The following NECAB1 variants were observed in gnomAD, a reference collection of about 807,000 sequenced individuals.
NECAB1 encodes N-terminal EF-hand calcium-binding protein 1.
A neutral mutation model predicts 57.5 loss-of-function variants in NECAB1; 29 were observed. The observed-to-expected ratio is 0.50, with a 90% CI of 0.38 to 0.69. The LOEUF is 0.69. NECAB1 is among the 30% of genes least tolerant of loss of function. The probability of loss-of-function intolerance (pLI) is 0.00; values close to 1 mark genes in which losing one functional copy is unlikely to be tolerated. For synonymous variants in NECAB1, 142 were observed against 147.7 expected (o/e 0.96, Z 0.28); for missense variants, 372 against 413.8 (o/e 0.90, Z 0.88).
intron 10 of NECAB1, among the ~76,000 whole-genome samples, chr8:90,948,934 C>T (rs1169800941): frequency 6.6e-6 from 1 of 152,176 alleles, no homozygotes; most frequent in Non-Finnish European, 1.5e-5. Context: ...TCGCAGTCAC[C>T]TCAACCTATG....
chr8:90,856,897 C>A (rs1284522810), intron 3 of NECAB1, among the ~76,000 whole-genome samples: 1 of 152,124 alleles, frequency 6.6e-6, no homozygotes, highest in African/African-American at 2.4e-5. Context: ...AACGCGGCAA[C>A]TTTTAGAATG....
intron 3 of NECAB1, among the ~76,000 whole-genome samples, chr8:90,838,664 C>G (rs76068503): frequency 1.3e-5 from 2 of 152,300 alleles, no homozygotes; most frequent in East Asian, 3.9e-4. Flanking sequence ...CTCACATAGA[C>G]GTGGAGAGAA....
At chr8:90,930,658 CTTTA>C (rs948029687) in intron 8 of NECAB1, among the ~76,000 whole-genome samples, 1 of 152,158 alleles carries the variant, frequency 6.6e-6, no homozygotes, top group African/African-American at 2.4e-5. Flanking sequence ...GCCATGGTGC[CTTTA>C]TTTGTTAAAT....
At chr8:90,868,796 T>C (rs935347383) in intron 3 of NECAB1, among the ~76,000 whole-genome samples, 2 of 152,244 alleles carry the variant, frequency 1.3e-5, no homozygotes, top group Non-Finnish European at 2.9e-5. Context: ...AAACCCATTT[T>C]CTGGAGAGGA....
chr8:90,954,446 T>C (rs936636552), intron 12 of NECAB1, among the ~76,000 whole-genome samples: 10 of 151,858 alleles, frequency 6.6e-5, no homozygotes, highest in African/African-American at 2.4e-4. Context: ...ACTTGGTCTG[T>C]GGAGCAGAAT....
At chr8:90,946,450 C>A in intron 10 of NECAB1, among the ~76,000 whole-genome samples, 1 of 152,200 alleles carries the variant, frequency 6.6e-6, no homozygotes, top group African/African-American at 2.4e-5. Context: ...GAAATAAATA[C>A]ACAAAGATGA....
intron 2 of NECAB1, among the ~76,000 whole-genome samples, chr8:90,822,149 ATT>A (rs1812154087): frequency 6.6e-6 from 1 of 151,916 alleles, no homozygotes; most frequent in African/African-American, 2.4e-5. Context: ...AGATTTGGCT[ATT>A]CTGTGAGCCA....
chr8:90,879,758 A>G (rs2129873519), intron 4 of NECAB1, among the ~76,000 whole-genome samples: 1 of 152,352 alleles, frequency 6.6e-6, no homozygotes, highest in East Asian at 1.9e-4. Context: ...CAACATTATA[A>G]CCACAAATTA....
chr8:90,859,444 G>A (rs897833057), intron 3 of NECAB1, among the ~76,000 whole-genome samples: 70 of 152,178 alleles, frequency 4.6e-4, no homozygotes, highest in African/African-American at 1.5e-3. Flanking sequence ...GTAGAGTGGG[G>A]AAAGAATGTA....
At chr8:90,938,466 A>C (rs1158775719) in intron 9 of NECAB1, among the ~76,000 whole-genome samples, 1 of 152,000 alleles carries the variant, frequency 6.6e-6, no homozygotes, top group Admixed American at 6.6e-5. Context: ...AGATAGTAGG[A>C]CTCCTGTTCC....
rs1354841163 is a variant in NECAB1 at position 90,917,504 on chromosome 8, G to T, written c.370G>T (p.Ala124Ser). Residue 124 changes from alanine to serine, a missense_variant, in exon 6 of 13, where the codon GCC becomes TCC. Coordinates refer to ENST00000417640, the MANE Select transcript of NECAB1 (RefSeq NM_022351.5). ...TTGTCACCCTTAGGACTACCAAGAA[G>T]CCTCCAATTTGGAACAATTCGTAAC... ...MGKTKKDYQE[A>S]SNLEQFVTRF... 8.1e-6 allele frequency: 13 copies of T among 1,608,600 alleles called. No individual in the cohort carries two copies. The South Asian group carries it at 1.4e-4, about 18-fold the overall frequency.
At chr8:90,888,082 T>C (rs1196447458) in intron 5 of NECAB1, among the ~76,000 whole-genome samples, 2 of 152,172 alleles carry the variant, frequency 1.3e-5, no homozygotes, top group African/African-American at 2.4e-5. Context: ...AAATAAGGTA[T>C]AGTGATAAAT....
intron 3 of NECAB1, among the ~76,000 whole-genome samples, chr8:90,840,855 G>A (rs1184127123): frequency 6.7e-6 from 1 of 149,840 alleles, no homozygotes; most frequent in Non-Finnish European, 1.5e-5. Context: ...TTTGGGGGAT[G>A]TTGCTGCTAT....
intron 3 of NECAB1, among the ~76,000 whole-genome samples, chr8:90,869,653 A>G (rs1177081246): frequency 6.6e-6 from 1 of 152,188 alleles, no homozygotes; most frequent in Non-Finnish European, 1.5e-5. Flanking sequence ...CCTTTTTGGA[A>G]TAGGAGTATT....
Position 90,925,405 on chromosome 8 carries a change from GCAGT to G in NECAB1, c.495-127_495-124del. 3.1e-5 allele frequency: 29 copies of G among 934,680 alleles called. 2 individuals carry two copies. In the South Asian group the frequency reaches 5.4e-4, roughly 17 times the overall value. The allele number at this position is 934,680 out of a possible 1,614,324, so 57.9% of individuals were successfully genotyped here. On this transcript the variant is annotated intron_variant, in intron 6 of 12. Transcript: ENST00000417640. ...CATTGGGTTTCTAGAGCATTTACAA[GCAGT>G]CATTCTCATAAGTTTTCATTTTGCT...
intron 4 of NECAB1, 52 bp downstream of exon 4, chr8:90,872,205 AAG>A (rs909560592): frequency 2.7e-4 from 372 of 1,401,190 alleles, no homozygotes; most frequent in Non-Finnish European, 3.4e-4. Flanking sequence ...AAGAAGGAAA[AAG>A]AGTATTGTCT....
At chr8:90,944,266 C>T (rs1417606386) in intron 10 of NECAB1, among the ~76,000 whole-genome samples, 1 of 152,200 alleles carries the variant, frequency 6.6e-6, no homozygotes, top group Non-Finnish European at 1.5e-5. Flanking sequence ...CCAATTACAA[C>T]AAGGTCTTGC....
chr8:90,940,797 T>C lies in NECAB1; in HGVS notation c.759T>C (p.Leu253=), dbSNP rs1324764259. 6 of 1,560,082 alleles carry C rather than the reference T, an allele frequency of 3.8e-6. No homozygotes were observed. The change falls in exon 10 of 13, where the codon CTT becomes CTC. Residue 253 remains leucine (L), a synonymous_variant. Transcript: ENST00000417640. ...CCCTTCCTTGGCAGCACATCATGCT[T>C]GTGCAGCGGCAGATGTCTGTGATAG... The part of the protein sequence containing the change: ...IEGNTKSHIM[L]VQRQMSVIEE...
chr8:90,847,431 T>G lies in NECAB1; in HGVS notation c.233+22606T>G, dbSNP rs117485790. ...TGGCATTGTCTGTAGCTTTTCCAGG[T>G]GCACAGTGTAAGCTGTTGGTGGATT... On this transcript the variant is annotated intron_variant, in intron 3 of 12. Coordinates refer to ENST00000417640, the MANE Select transcript of NECAB1 (RefSeq NM_022351.5). Among the ~76,000 whole-genome samples the G allele has an allele frequency of 1.3e-3, 202 of 152,320 alleles. 4 individuals carry two copies. In the East Asian group the frequency reaches 0.036, roughly 27 times the overall value.
Sources: gnomAD v4.1 joint callset for allele counts (sites outside exome capture counted in the v4.1 genomes callset) on GRCh38, gnomAD v4.1.1 for gene constraint, MANE v1.5 for transcripts, NCBI Gene and HGNC (gene_info 2026-07-23, HGNC 2026-07-21) for gene names.